The following SELENOO variants were observed in gnomAD, a reference collection of about 807,000 sequenced individuals.
SELENOO encodes selenoprotein O.
A neutral mutation model predicts 58.7 loss-of-function variants in SELENOO; 74 were observed. The observed-to-expected ratio is 1.26, with a 90% CI of 1.04 to 1.53. The LOEUF is 1.53. Ranked by LOEUF, SELENOO falls within the 40% of genes most tolerant of loss-of-function variation. SELENOO has a pLI of 0.00. For missense variants in SELENOO, 1,149 were observed against 970.0 expected (o/e 1.18, Z -2.45); for synonymous variants, 543 against 453.2 (o/e 1.20, Z -2.52).
intron 1 of SELENOO, among the ~76,000 whole-genome samples, chr22:50,204,323 T>G (rs926878638): frequency 3.3e-5 from 5 of 151,982 alleles, no homozygotes; most frequent in African/African-American, 4.8e-5. Context: ...AGGGCAAGAC[T>G]GTCTCGGAAA....
In SELENOO at chr22:50,201,087, C is replaced by T. The variant is rs1442239778; in HGVS notation, c.51C>T (p.Leu17=). Residue 17 remains leucine (L), a synonymous_variant, in exon 1 of 9, where the codon CTC becomes CTT. Coordinates refer to ENST00000380903, the MANE Select transcript of SELENOO (RefSeq NM_031454.2). ...GGGCTTCGCTCGCGGCTGCCCGACT[C>T]TTGCCCCTCGGTCGCTGTTCCCCGT... is the stretch of plus-strand genomic sequence containing the variant. ...ALGASLAAAR[L]LPLGRCSPSP... is the part of the protein sequence containing the mutation. The T allele has an allele frequency of 5.8e-6, 8 of 1,367,588 alleles. No homozygotes were observed. In the South Asian group the frequency reaches 1.2e-4, roughly 20 times the overall value. 84.7% of individuals were successfully genotyped at this position (1,367,588 alleles called of 1,614,324 possible).
intron 1 of SELENOO, among the ~76,000 whole-genome samples, chr22:50,203,552 C>T (rs1042399852): frequency 6.6e-6 from 1 of 152,172 alleles, no homozygotes; most frequent in Non-Finnish European, 1.5e-5. Flanking sequence ...GAATAAAGAG[C>T]CTAGAAATAA....
chr22:50,217,610 C>A lies in SELENOO; in HGVS notation c.*241C>A. 4 of 1,052,026 alleles carry A rather than the reference C, an allele frequency of 3.8e-6. No homozygotes were observed. The highest frequency in any genetic ancestry group is 5.5e-6 in the Non-Finnish European group (4 of 733,080). 65.2% of individuals were successfully genotyped at this position (1,052,026 alleles called of 1,614,324 possible). On this transcript the variant is annotated 3_prime_UTR_variant, in exon 9 of 9. Coordinates refer to ENST00000380903, the MANE Select transcript of SELENOO (RefSeq NM_031454.2). ...CAGGCTCCTAAATAAACCAGCAACT[C>A]CCTCGAGTCTGTCTCTGTGGTCATT... is the stretch of plus-strand genomic sequence containing the variant.
Position 50,216,957 on chromosome 22 carries a change from C to T in SELENOO, c.1689-15C>T, listed in dbSNP as rs778239726. 32 of 1,606,502 alleles carry T rather than the reference C, an allele frequency of 2.0e-5. No homozygotes were observed. In the Middle Eastern group the frequency reaches 4.9e-4, roughly 25 times the overall value. ...CCAGCCCGGCTGTGACTCCAGAGCC[C>T]GGATGTCATTCCAGAGCCCGGCTGG... On this transcript the variant is annotated splice_polypyrimidine_tract_variant and intron_variant, in intron 7 of 8. Coordinates refer to ENST00000380903, the MANE Select transcript of SELENOO (RefSeq NM_031454.2).
At chr22:50,208,914 G>A (rs1040997045) in intron 3 of SELENOO, 198 bp downstream of exon 3, 44 of 573,852 alleles carry the variant, frequency 7.7e-5, no homozygotes, top group South Asian at 7.1e-4. Flanking sequence ...CCTGGGCTCC[G>A]TGGTGTTGGG....
At position 50,217,191 on chromosome 22, in the gene SELENOO, T is replaced by A. The variant is rs1569106165; in HGVS notation, c.1846-14T>A. The stretch of plus-strand genomic sequence containing the variant: ...GGTCGGCCCCAGACCCCTCTCACCC[T>A]CCTGATCCTCCAGGTGCGGCGGGTG... On this transcript the variant is annotated splice_polypyrimidine_tract_variant and intron_variant, in intron 8 of 8. Coordinates refer to ENST00000380903, the MANE Select transcript of SELENOO (RefSeq NM_031454.2). 1 of 1,611,934 alleles carries A rather than the reference T, an allele frequency of 6.2e-7. No homozygotes were observed. The highest frequency in any genetic ancestry group is 1.3e-5 in the African/African-American group (1 of 75,010).
rs372830718 is a variant in SELENOO, at chr22:50,217,219, G to A, written c.1860G>A (p.Leu620=). 1.9e-6 allele frequency: 3 copies of A among 1,611,302 alleles called. No individual in the cohort carries two copies. The highest frequency in any genetic ancestry group is 1.3e-5 in the African/African-American group (1 of 74,892). The change falls in exon 9 of 9, where the codon CTG becomes CTA. Residue 620 remains leucine (L), a synonymous_variant. Coordinates refer to ENST00000380903, the MANE Select transcript of SELENOO (RefSeq NM_031454.2). ...TGATCCTCCAGGTGCGGCGGGTGCT[G>A]AAACTACTGGAGACCCCTTACCACT... ...RGDFSEVRRV[L]KLLETPYHCE...
In SELENOO at chr22:50,206,475, A is replaced by G. The variant is rs2064333764; in HGVS notation, c.713A>G (p.Tyr238Cys). ...RDVFYDGNPKYEQCTVVLRVA... is the reference protein window; with the variant it reads ...RDVFYDGNPKCEQCTVVLRVA... ...GTGTTCTATGATGGTAATCCCAAAT[A>G]TGAACAATGCACGGTTGTGTTGCGT... Residue 238 changes from tyrosine (Y) to cysteine (C), a missense_variant, in exon 2 of 9, where the codon TAT (tyrosine) becomes TGT (cysteine). Coordinates refer to ENST00000380903, the MANE Select transcript of SELENOO (RefSeq NM_031454.2). 2.5e-6 allele frequency: 4 copies of G among 1,614,170 alleles called. No individual in the cohort carries two copies. The highest frequency in any genetic ancestry group is 3.4e-6 in the Non-Finnish European group (4 of 1,180,022).
chr22:50,207,084 A>G (rs968979141), intron 2 of SELENOO, among the ~76,000 whole-genome samples: 9 of 152,198 alleles, frequency 5.9e-5, no homozygotes, highest in East Asian at 3.9e-4. Context: ...CTGGAGTCCT[A>G]GGCTGGCTCC....
In SELENOO at chr22:50,201,486, G is replaced by A. The variant is rs190207485; in HGVS notation, c.450G>A (p.Gly150=). Residue 150 remains glycine (G), a synonymous_variant, in exon 1 of 9, where the codon GGG becomes GGA. Transcript: ENST00000380903. ...YCGHQFGQFA[G]QLGDGAAMYL... ...GCCACCAATTCGGCCAGTTCGCCGG[G>A]CAGCTGGGCGACGGCGCCGCCATGT... 10,174 of 1,424,978 alleles carry A rather than the reference G, an allele frequency of 7.1e-3. 53 individuals are homozygous for A. The highest frequency in any genetic ancestry group is 8.3e-3 in the Non-Finnish European group (9,062 of 1,087,472). The allele number at this position is 1,424,978 out of a possible 1,614,324, so 88.3% of individuals were successfully genotyped here.
chr22:50,217,161 AG>A lies in SELENOO; in HGVS notation c.1846-38del, dbSNP rs548092332. 20 of 1,610,974 alleles carry A rather than the reference AG, an allele frequency of 1.2e-5. No individual in the cohort carries two copies. In the East Asian group the frequency reaches 1.3e-4, roughly 11 times the overall value. ...CACGCCTGTCCCTGTGGTCCCTGGG[AG>A]GGGGGTCGGCCCCAGACCCCTCTCA... On this transcript the variant is annotated intron_variant, in intron 8 of 8. Transcript: ENST00000380903.
chr22:50,217,571 C>G lies in SELENOO; in HGVS notation c.*202C>G. The G allele has an allele frequency of 1.0e-6, 1 of 953,152 alleles. No individual in the cohort carries two copies. The highest frequency in any genetic ancestry group is 1.5e-6 in the Non-Finnish European group (1 of 648,998). 59.0% of individuals were successfully genotyped at this position (953,152 alleles called of 1,614,324 possible). ...CCGGCTCAGCAGTGCAGCCTGGTCC[C>G]TGGGGGCTGGACCCAGGCTCCTAAA... On this transcript the variant is annotated 3_prime_UTR_variant, in exon 9 of 9. Coordinates refer to ENST00000380903, the MANE Select transcript of SELENOO (RefSeq NM_031454.2).
chr22:50,201,855 G>A (rs1222976272), intron 1 of SELENOO, among the ~76,000 whole-genome samples: 1 of 152,226 alleles, frequency 6.6e-6, no homozygotes, highest in Admixed American at 6.5e-5. Flanking sequence ...CGGGATGAGA[G>A]GTTAGGCTAA....
Position 50,210,856 on chromosome 22 carries a change from G to A in SELENOO, c.1296G>A (p.Glu432=), listed in dbSNP as rs2064366023. The stretch of plus-strand genomic sequence containing the variant: ...GGAAGCTGGGCCTCGTGCAGGTGGA[G>A]CTGGAGGAAGACGGGGCGCTGGTGT... ...MRRKLGLVQV[E]LEEDGALVSK... is the part of the protein sequence containing the mutation. The change falls in exon 5 of 9, where the codon GAG becomes GAA. Residue 432 remains glutamate, a synonymous_variant. Transcript: ENST00000380903. 3 of 1,614,044 alleles carry A rather than the reference G, an allele frequency of 1.9e-6. No homozygotes were observed. In the Admixed American group the frequency reaches 5.0e-5, roughly 27 times the overall value.
Position 50,210,359 on chromosome 22 carries a change from G to T in SELENOO, c.1070+48G>T, listed in dbSNP as rs200562417. On this transcript the variant is annotated intron_variant, in intron 4 of 8. Transcript: ENST00000380903. Reference sequence around the variant, plus strand: ...AAAGTGCAGGCCCCAGGGCTGGGGGGTGCGGGCTGCATGAAACCTGCTGCC... The same window carrying T: ...AAAGTGCAGGCCCCAGGGCTGGGGGTTGCGGGCTGCATGAAACCTGCTGCC... 2.0e-5 allele frequency: 31 copies of T among 1,589,124 alleles called. No homozygotes were observed. In the African/African-American group the frequency reaches 3.5e-4, roughly 18 times the overall value.
chr22:50,201,115 C>G lies in SELENOO; in HGVS notation c.79C>G (p.Pro27Ala). ...GCCCCTCGGTCGCTGTTCCCCGTCG[C>G]CGGCGCCCCGCTCTACGTTGTCGGG... ...LLPLGRCSPS[P>A]APRSTLSGAA... is the part of the protein sequence containing the mutation. Residue 27 changes from proline (P) to alanine (A), a missense_variant, in exon 1 of 9, where the codon CCG becomes GCG. Physicochemically the swap from Pro to Ala is conservative, Grantham distance 27. Transcript: ENST00000380903. The G allele has an allele frequency of 7.5e-7, 1 of 1,339,178 alleles. No individual in the cohort carries two copies. Among genetic ancestry groups the G allele is most frequent in the South Asian group, 1.9e-5 (1 of 52,358 alleles). 83.0% of individuals were successfully genotyped at this position (1,339,178 alleles called of 1,614,324 possible).
At chr22:50,208,499 A>T in intron 2 of SELENOO, 37 bp from the exon 3 acceptor site, 1 of 1,583,464 alleles carries the variant, frequency 6.3e-7, no homozygotes, top group Non-Finnish European at 8.6e-7. Context: ...GGCTGGGGTC[A>T]GGTTTGGGCT....
intron 5 of SELENOO, among the ~76,000 whole-genome samples, chr22:50,214,437 T>C (rs2013437): frequency 0.4 from 61,408 of 152,074 alleles, 12,398 homozygotes; most frequent in African/African-American, 0.43. Flanking sequence ...TTGGCCAACA[T>C]GGTGAAACTC....
chr22:50,210,659 T>C lies in SELENOO; in HGVS notation c.1099T>C (p.Ser367Pro). The change falls in exon 5 of 9, where the codon TCC becomes CCC. Residue 367 changes from serine (S) to proline (P), a missense_variant. Physicochemically the swap from Ser to Pro is moderately conservative, Grantham distance 74. Coordinates refer to ENST00000380903, the MANE Select transcript of SELENOO (RefSeq NM_031454.2). Reference protein sequence around the residue: ...RYDPDHVCNASDNTGRYAYSK... With the variant: ...RYDPDHVCNAPDNTGRYAYSK... ...CGACCCCGACCACGTGTGCAATGCC[T>C]CCGACAACACCGGCCGCTACGCGTA... is the stretch of plus-strand genomic sequence containing the variant. 1.2e-6 allele frequency: 2 copies of C among 1,612,960 alleles called. No homozygotes were observed. The highest frequency in any genetic ancestry group is 1.7e-6 in the Non-Finnish European group (2 of 1,179,888).
Sources: allele counts gnomAD v4.1 joint callset (sites outside exome capture counted in the v4.1 genomes callset), GRCh38; gene constraint gnomAD v4.1.1; transcripts MANE v1.5; gene names NCBI Gene and HGNC (gene_info 2026-07-23, HGNC 2026-07-21).